Variants in IGF1R observed in about 807,000 individuals in gnomAD.
IGF1R encodes the protein insulin like growth factor 1 receptor, also known as insulin-like growth factor 1 receptor.
A neutral mutation model predicts 144.6 loss-of-function variants in IGF1R; 44 were observed. The observed-to-expected ratio is 0.30, with a 90% confidence interval of 0.24 to 0.39. The LOEUF (loss-of-function observed/expected upper bound fraction) is 0.39. Ranked by LOEUF, IGF1R falls within the 10% of genes least tolerant of loss-of-function variation. The probability of loss-of-function intolerance (pLI) is 1.00; values close to 1 mark genes in which losing one functional copy is unlikely to be tolerated. For synonymous variants in IGF1R, 795 were observed against 722.8 expected, an observed-to-expected ratio of 1.10 and a Z score of -1.60; for missense variants, 1,355 against 1,833.7, an observed-to-expected ratio of 0.74 and a Z score of 4.77.
intron 3 of IGF1R, among the ~76,000 whole-genome samples, chr15:98,896,062 G>T (rs2014178855): frequency 6.6e-6 from 1 of 151,980 alleles, no homozygotes; most frequent in Non-Finnish European, 1.5e-5. Context: ...GCATGTTCAG[G>T]ATAGTATTTG....
intron 18 of IGF1R, among the ~76,000 whole-genome samples, chr15:98,940,025 G>C (rs1030349498): frequency 6.6e-6 from 1 of 152,184 alleles, no homozygotes; most frequent in Admixed American, 6.5e-5. Context: ...AGAAAAAAGG[G>C]TTGGATTGAA....
At chr15:98,858,106 A>G (rs2011934032) in intron 2 of IGF1R, among the ~76,000 whole-genome samples, 2 of 152,234 alleles carry the variant, frequency 1.3e-5, no homozygotes, top group South Asian at 4.1e-4. Flanking sequence ...AACAACCAAA[A>G]AAGTCTTAAT....
At chr15:98,650,950 G>C in intron 1 of IGF1R, 1 of 985,126 alleles carries the variant, frequency 1.0e-6, no homozygotes, top group Non-Finnish European at 1.2e-6. Context: ...GGCCGGAGGA[G>C]GTGGGGGTTT....
At chr15:98,947,992 T>TTGGG (rs1567217072) in intron 19 of IGF1R, among the ~76,000 whole-genome samples, 1 of 152,154 alleles carries the variant, frequency 6.6e-6, no homozygotes, top group African/African-American at 2.4e-5. Flanking sequence ...AGAGTTTCTA[T>TTGGG]TGGGTGCCCA....
intron 1 of IGF1R, among the ~76,000 whole-genome samples, chr15:98,687,162 C>T (rs933644607): frequency 1.3e-4 from 20 of 152,194 alleles, no homozygotes; most frequent in African/African-American, 4.8e-4. Context: ...TGTCTCAGAC[C>T]TGTGCTGGTT....
At chr15:98,657,850 A>G (rs1458284851) in intron 1 of IGF1R, among the ~76,000 whole-genome samples, 1 of 152,140 alleles carries the variant, frequency 6.6e-6, no homozygotes, top group Non-Finnish European at 1.5e-5. Context: ...TCATTAATTG[A>G]ATGTTGCCTT....
chr15:98,676,281 G>T (rs1266749558), intron 1 of IGF1R, among the ~76,000 whole-genome samples: 1 of 152,042 alleles, frequency 6.6e-6, no homozygotes, highest in African/African-American at 2.4e-5. Context: ...GGGACTACAG[G>T]CATGTGCCAC....
intron 2 of IGF1R, among the ~76,000 whole-genome samples, chr15:98,766,559 G>C (rs1225726796): frequency 6.6e-6 from 1 of 152,186 alleles, no homozygotes; most frequent in Non-Finnish European, 1.5e-5. Context: ...TGCATGATTT[G>C]AGTAGTTGAG....
chr15:98,774,240 G>A (rs866628722), intron 2 of IGF1R, among the ~76,000 whole-genome samples: 20 of 152,144 alleles, frequency 1.3e-4, no homozygotes, highest in Non-Finnish European at 4.4e-5. Context: ...GTTAAGTCAC[G>A]TTGGCTACAG....
At chr15:98,914,052 G>A (rs2015135321) in intron 8 of IGF1R, among the ~76,000 whole-genome samples, 1 of 152,172 alleles carries the variant, frequency 6.6e-6, no homozygotes, top group Admixed American at 6.5e-5. Flanking sequence ...TGGCAGATTT[G>A]GTGTCTGGTG....
chr15:98,756,353 C>G (rs887510906), intron 2 of IGF1R, among the ~76,000 whole-genome samples: 3 of 150,778 alleles, frequency 2.0e-5, no homozygotes, highest in Non-Finnish European at 4.4e-5. Context: ...TTTAGTTTTT[C>G]AGAATATATT....
chr15:98,901,030 G>C (rs12593291), intron 5 of IGF1R, among the ~76,000 whole-genome samples: 6,254 of 152,248 alleles, frequency 0.041, 220 homozygotes, highest in East Asian at 0.14. Context: ...TTCATGGAGT[G>C]TTAACTAAGT....
chr15:98,688,449 TG>T (rs2053391498), intron 1 of IGF1R, among the ~76,000 whole-genome samples: 1 of 146,818 alleles, frequency 6.8e-6, no homozygotes, highest in Non-Finnish European at 1.5e-5. Context: ...TGTGTGTGTG[TG>T]TGATGGCACT....
intron 8 of IGF1R, among the ~76,000 whole-genome samples, chr15:98,914,836 A>G (rs2015174595): frequency 6.6e-6 from 1 of 152,206 alleles, no homozygotes; most frequent in Admixed American, 6.5e-5. Flanking sequence ...CACCTATCGT[A>G]AGAATGTATC....
intron 2 of IGF1R, among the ~76,000 whole-genome samples, chr15:98,879,103 C>G (rs2013237455): frequency 6.6e-6 from 1 of 152,190 alleles, no homozygotes; most frequent in South Asian, 2.1e-4. Context: ...CGAAGCAGGG[C>G]CGGTCCAGCC....
intron 2 of IGF1R, among the ~76,000 whole-genome samples, chr15:98,869,878 G>A (rs570182918): frequency 2.0e-5 from 3 of 152,314 alleles, no homozygotes; most frequent in African/African-American, 7.2e-5. Context: ...ATTAACACCT[G>A]TCTCTATCTG....
chr15:98,748,865 G>C (rs528830022), intron 2 of IGF1R, among the ~76,000 whole-genome samples: 1 of 152,314 alleles, frequency 6.6e-6, no homozygotes, highest in South Asian at 2.1e-4. Flanking sequence ...AGCTACAGTG[G>C]TTATTCCAGA....
intron 2 of IGF1R, among the ~76,000 whole-genome samples, chr15:98,710,036 T>C (rs2053956636): frequency 6.6e-6 from 1 of 152,098 alleles, no homozygotes; most frequent in African/African-American, 2.4e-5. Flanking sequence ...GGTTTCTTCA[T>C]ATGTGGAATG....
At chr15:98,852,213 G>T (rs972720459) in intron 2 of IGF1R, among the ~76,000 whole-genome samples, 1 of 152,214 alleles carries the variant, frequency 6.6e-6, no homozygotes, top group Non-Finnish European at 1.5e-5. Context: ...TGGCGCAGGG[G>T]CTCCGGGGGA....
Sources: allele counts gnomAD v4.1 joint callset (sites outside exome capture counted in the v4.1 genomes callset), GRCh38; gene constraint gnomAD v4.1.1; transcripts MANE v1.5; gene names NCBI Gene and HGNC (gene_info 2026-07-23, HGNC 2026-07-21).